The following CDH13 variants were observed in gnomAD, a reference collection of about 807,000 sequenced individuals.
CDH13 encodes cadherin 13, also known as cadherin-13.
CDH13 carries 24 observed loss-of-function variants against 63.8 expected under a neutral mutation model. The ratio of observed to expected loss-of-function variants is 0.38; its 90% confidence interval spans 0.27 to 0.53. The LOEUF (loss-of-function observed/expected upper bound fraction) is 0.53, where lower values mean the gene tolerates loss of function less well. Among genes scored for constraint, CDH13 ranks in the 20% least tolerant of loss-of-function variants. The pLI, the probability that CDH13 is intolerant of heterozygous loss-of-function variation, is 0.85. For synonymous variants in CDH13, 503 were observed against 355.3 expected (o/e 1.42, Z -4.67); for missense variants, 1,049 against 903.1 (o/e 1.16, Z -2.07).
intron 2 of CDH13, among the ~76,000 whole-genome samples, chr16:83,020,129 T>G (rs1378897283): frequency 1.3e-5 from 2 of 152,188 alleles, no homozygotes; most frequent in Non-Finnish European, 2.9e-5. Context: ...GATCAGAACA[T>G]CGCTATGTGG....
intron 4 of CDH13, among the ~76,000 whole-genome samples, chr16:83,195,429 GAGCT>G (rs1364005983): frequency 3.3e-5 from 5 of 152,140 alleles, no homozygotes; most frequent in Non-Finnish European, 7.3e-5. Flanking sequence ...TGGCCTCAGG[GAGCT>G]AGCTTCCAAG....
At chr16:83,593,604 A>G (rs1049686666) in intron 7 of CDH13, among the ~76,000 whole-genome samples, 3 of 151,524 alleles carry the variant, frequency 2.0e-5, no homozygotes, top group Non-Finnish European at 4.4e-5. Flanking sequence ...GTGTATAAAC[A>G]TACAGTATAT....
At chr16:82,923,114 A>G (rs999380440) in intron 2 of CDH13, among the ~76,000 whole-genome samples, 4 of 152,246 alleles carry the variant, frequency 2.6e-5, no homozygotes, top group Admixed American at 6.5e-5. Context: ...AATGGCGCCA[A>G]TAGACTTGCT....
At chr16:83,175,268 A>G (rs1331789789) in intron 4 of CDH13, among the ~76,000 whole-genome samples, 1 of 152,068 alleles carries the variant, frequency 6.6e-6, no homozygotes, top group African/African-American at 2.4e-5. Flanking sequence ...ATAAGGAAAA[A>G]TGTTTCTGAA....
At chr16:82,893,656 G>A (rs376752369) in intron 2 of CDH13, among the ~76,000 whole-genome samples, 2 of 152,162 alleles carry the variant, frequency 1.3e-5, no homozygotes, top group Non-Finnish European at 2.9e-5. Context: ...GCCTCTGAGC[G>A]AAAGCTCAGG....
chr16:82,791,547 C>G (rs943550800), intron 1 of CDH13, among the ~76,000 whole-genome samples: 1 of 152,174 alleles, frequency 6.6e-6, no homozygotes, highest in African/African-American at 2.4e-5. Context: ...TGCAAGTGAA[C>G]ACTCTTCTGG....
rs1450212741 is a variant in CDH13 at position 83,348,692 on chromosome 16, A to G, written c.781+3686A>G. On this transcript the variant is annotated intron_variant, in intron 6 of 13. Transcript: ENST00000567109. ...GCTGTGTTTGACGCTGTGCTCAGCT[A>G]TTTAACACGGTGTGATATTGGGCAA... Among the ~76,000 whole-genome samples the G allele has an allele frequency of 3.3e-5, 5 of 152,206 alleles. No homozygotes were observed. In the East Asian group the frequency reaches 9.6e-4, roughly 29 times the overall value.
chr16:82,906,516 G>T (rs1212754250), intron 2 of CDH13, among the ~76,000 whole-genome samples: 1 of 152,208 alleles, frequency 6.6e-6, no homozygotes, highest in Non-Finnish European at 1.5e-5. Flanking sequence ...GGACTGGGGA[G>T]AATGGACTGT....
chr16:83,315,959 C>A (rs1357606208), intron 5 of CDH13, among the ~76,000 whole-genome samples: 1 of 152,074 alleles, frequency 6.6e-6, no homozygotes, highest in African/African-American at 2.4e-5. Flanking sequence ...TCCAAATAAC[C>A]CAAATTACTG....
intron 7 of CDH13, among the ~76,000 whole-genome samples, chr16:83,565,264 G>C (rs1370609674): frequency 6.6e-6 from 1 of 151,920 alleles, no homozygotes; most frequent in Non-Finnish European, 1.5e-5. Flanking sequence ...ACTCCTACTG[G>C]ATGCCATCCG....
intron 4 of CDH13, among the ~76,000 whole-genome samples, chr16:83,129,175 G>T (rs1225863464): frequency 6.6e-6 from 1 of 152,166 alleles, no homozygotes; most frequent in African/African-American, 2.4e-5. Context: ...TGGGGAGGCA[G>T]GGAGAAGGGA....
At chr16:82,629,252 T>C (rs1168100589) in intron 1 of CDH13, among the ~76,000 whole-genome samples, 1 of 152,234 alleles carries the variant, frequency 6.6e-6, no homozygotes, top group Non-Finnish European at 1.5e-5. Flanking sequence ...AGGCTCACTC[T>C]ATTTATTTAG....
chr16:83,132,855 T>G (rs146686293), intron 4 of CDH13, among the ~76,000 whole-genome samples: 123 of 152,342 alleles, frequency 8.1e-4, no homozygotes, highest in African/African-American at 2.9e-3. Flanking sequence ...AAATTCTTCT[T>G]GAGATGAACA....
intron 6 of CDH13, among the ~76,000 whole-genome samples, chr16:83,372,380 A>G (rs2091383380): frequency 6.6e-6 from 1 of 152,158 alleles, no homozygotes; most frequent in Admixed American, 6.5e-5. Flanking sequence ...TGGCATAAGG[A>G]CGTTTTTCTC....
At chr16:83,596,095 A>G (rs1269278498) in intron 7 of CDH13, among the ~76,000 whole-genome samples, 2 of 152,200 alleles carry the variant, frequency 1.3e-5, no homozygotes, top group Non-Finnish European at 2.9e-5. Flanking sequence ...ACACAGAATC[A>G]GGTGAGGCCC....
chr16:82,905,936 A>T (rs1382457193), intron 2 of CDH13, among the ~76,000 whole-genome samples: 1 of 152,112 alleles, frequency 6.6e-6, no homozygotes, highest in African/African-American at 2.4e-5. Flanking sequence ...GCTCTGTTGA[A>T]ATTTTTCTTT....
chr16:83,273,771 G>A (rs1418075825), intron 5 of CDH13, among the ~76,000 whole-genome samples: 3 of 152,126 alleles, frequency 2.0e-5, no homozygotes, highest in Admixed American at 6.5e-5. Context: ...CATAGGTATC[G>A]TGTTTTTATT....
At chr16:82,703,476 C>A (rs531968669) in intron 1 of CDH13, among the ~76,000 whole-genome samples, 160 of 152,236 alleles carry the variant, frequency 1.1e-3, no homozygotes, top group African/African-American at 3.8e-3. Context: ...CACTCCCTTG[C>A]CCCTTTGGAG....
chr16:83,798,525 TAA>T lies in CDH13; in HGVS notation c.*3497_*3498del, dbSNP rs1904294726. 1 of 152,198 alleles carries T rather than the reference TAA, an allele frequency of 6.6e-6. No homozygotes were observed. The highest frequency in any genetic ancestry group is 1.5e-5 in the Non-Finnish European group (1 of 68,048). The allele number at this position is 152,198 out of a possible 1,614,324, so 9.4% of individuals were successfully genotyped here. A position where few individuals can be genotyped will look rare whatever the true frequency, so the allele number is the denominator to read the frequency against. ...ACTACTATCTTCTCCAACTCACAGA[TAA>T]AGAAGGCTGAGGCTCAGAAAAATTG... On this transcript the variant is annotated 3_prime_UTR_variant, in exon 14 of 14. Coordinates refer to ENST00000567109, the MANE Select transcript of CDH13 (RefSeq NM_001257.5).
Sources: gnomAD v4.1 joint callset for allele counts (sites outside exome capture counted in the v4.1 genomes callset) on GRCh38, gnomAD v4.1.1 for gene constraint, MANE v1.5 for transcripts, NCBI Gene and HGNC (gene_info 2026-07-23, HGNC 2026-07-21) for gene names.